The following SCGB2B2 variants were observed in gnomAD, a reference collection of about 807,000 sequenced individuals.
The protein encoded by SCGB2B2 is secretoglobin-like protein.
A neutral mutation model predicts 7.6 loss-of-function variants in SCGB2B2; 11 were observed. The ratio of observed to expected loss-of-function variants is 1.45; its 90% confidence interval spans 0.91 to 2.40. The LOEUF (loss-of-function observed/expected upper bound fraction) is 2.40. Among genes scored for constraint, SCGB2B2 ranks in the 30% most tolerant of loss-of-function variants. The pLI is 0.00. For synonymous variants in SCGB2B2, 50 were observed against 48.6 expected (o/e 1.03, Z -0.12); for missense variants, 104 against 115.4 (o/e 0.90, Z 0.45).
intron 1 of SCGB2B2, among the ~76,000 whole-genome samples, chr19:34,636,162 G>C (rs958217789): frequency 7.9e-5 from 12 of 152,228 alleles, no homozygotes; most frequent in Non-Finnish European, 1.6e-4. Context: ...TATACATACA[G>C]CCTGGTGGGA....
chr19:34,647,039 C>T (rs971357857), intron 1 of SCGB2B2, among the ~76,000 whole-genome samples: 22 of 152,172 alleles, frequency 1.4e-4, no homozygotes, highest in Admixed American at 3.9e-4. Flanking sequence ...CCCCCCAGGA[C>T]TCCAGATGCT....
At chr19:34,596,976 A>G (rs1277354665) in intron 1 of SCGB2B2, among the ~76,000 whole-genome samples, 1 of 151,674 alleles carries the variant, frequency 6.6e-6, no homozygotes, top group African/African-American at 2.4e-5. Context: ...CTCTGAGGGT[A>G]GAGAGGGCCA....
chr19:34,616,146 C>G (rs1250850945), intron 1 of SCGB2B2, among the ~76,000 whole-genome samples: 2 of 149,386 alleles, frequency 1.3e-5, no homozygotes, highest in East Asian at 3.9e-4. Context: ...CTGCAATAAA[C>G]ATACGTGTGC....
intron 1 of SCGB2B2, among the ~76,000 whole-genome samples, chr19:34,645,135 T>C (rs891423255): frequency 6.6e-6 from 1 of 151,990 alleles, no homozygotes; most frequent in Non-Finnish European, 1.5e-5. Flanking sequence ...AGAAATATCT[T>C]CGTGAAGGGA....
intron 1 of SCGB2B2, among the ~76,000 whole-genome samples, chr19:34,622,764 G>A (rs1020504586): frequency 3.9e-5 from 6 of 152,142 alleles, no homozygotes; most frequent in Admixed American, 3.3e-4. Flanking sequence ...GACACGGCCT[G>A]TTTTTGCAAC....
intron 1 of SCGB2B2, among the ~76,000 whole-genome samples, chr19:34,650,459 C>T (rs2067135106): frequency 6.6e-6 from 1 of 151,070 alleles, no homozygotes; most frequent in Non-Finnish European, 1.5e-5. Flanking sequence ...TTCCTCATAA[C>T]AGTAGAGGCT....
chr19:34,645,531 CACAGACACAG>C (rs749842546), intron 1 of SCGB2B2: 1,150 of 57,684 alleles, frequency 0.02, 7 homozygotes, highest in Non-Finnish European at 0.023. Flanking sequence ...CACAGACACA[CACAGACACAG>C]ACACACACAC....
intron 1 of SCGB2B2, among the ~76,000 whole-genome samples, chr19:34,662,956 A>C (rs1226624614): frequency 2.7e-5 from 4 of 147,296 alleles, no homozygotes; most frequent in African/African-American, 1.0e-4. Context: ...ACAAACAAAC[A>C]AACAAAAAAA....
At chr19:34,638,659 T>G (rs1372423020) in intron 1 of SCGB2B2, among the ~76,000 whole-genome samples, 3 of 152,220 alleles carry the variant, frequency 2.0e-5, no homozygotes, top group Non-Finnish European at 4.4e-5. Context: ...CTGGAAAGTT[T>G]ATGCCCCTAA....
At chr19:34,624,289 G>A (rs900552756) in intron 1 of SCGB2B2, among the ~76,000 whole-genome samples, 2 of 152,062 alleles carry the variant, frequency 1.3e-5, no homozygotes. Flanking sequence ...GGAGAGGAGG[G>A]TATTCACTCA....
At chr19:34,659,320 T>C (rs982151633) in intron 1 of SCGB2B2, among the ~76,000 whole-genome samples, 1 of 152,066 alleles carries the variant, frequency 6.6e-6, no homozygotes, top group African/African-American at 2.4e-5. Flanking sequence ...AAAGAAAGGG[T>C]ATTCAATTAG....
At chr19:34,636,430 A>C (rs1182588444) in intron 1 of SCGB2B2, among the ~76,000 whole-genome samples, 1 of 152,174 alleles carries the variant, frequency 6.6e-6, no homozygotes, top group Non-Finnish European at 1.5e-5. Context: ...ACTTCTCTGC[A>C]ATGGCTTTTA....
At chr19:34,626,845 G>A (rs557610880) in intron 1 of SCGB2B2, among the ~76,000 whole-genome samples, 3 of 152,286 alleles carry the variant, frequency 2.0e-5, no homozygotes, top group Non-Finnish European at 1.5e-5. Context: ...AAAATGTTAA[G>A]GGTAGCCAGA....
At chr19:34,658,326 A>T (rs995666000) in intron 1 of SCGB2B2, among the ~76,000 whole-genome samples, 3 of 152,212 alleles carry the variant, frequency 2.0e-5, no homozygotes, top group Admixed American at 2.0e-4. Flanking sequence ...TTTTTTGACA[A>T]GATCAACAAA....
chr19:34,593,725 G>A (rs1477742138), intron 3 of SCGB2B2, 126 bp from the exon 4 acceptor site: 2 of 719,794 alleles, frequency 2.8e-6, no homozygotes, highest in African/African-American at 1.8e-5. Flanking sequence ...GGGGATCCCA[G>A]GCTCTGGACA....
In SCGB2B2 at chr19:34,662,685, T is replaced by C. The variant is rs533476960; in HGVS notation, c.-2032+12945A>G. Among the ~76,000 whole-genome samples the C allele has an allele frequency of 1.9e-3, 289 of 152,146 alleles. 1 individual carries two copies. The highest frequency in any genetic ancestry group is 3.4e-3 in the Middle Eastern group (1 of 294). ...AACAAGGGCTCTTATCAAGAAAATA[T>C]AAAGAACTCCTTTAGCACATTGGGA... On this transcript the variant is annotated intron_variant, in intron 1 of 3. Transcript: ENST00000601241.
chr19:34,656,420 T>C (rs890306824), intron 1 of SCGB2B2, among the ~76,000 whole-genome samples: 1 of 151,280 alleles, frequency 6.6e-6, no homozygotes, highest in South Asian at 2.1e-4. Flanking sequence ...TTGGGCAATA[T>C]GGCAAAATGT....
intron 1 of SCGB2B2, among the ~76,000 whole-genome samples, chr19:34,649,057 C>T (rs1404791817): frequency 6.6e-6 from 1 of 152,138 alleles, no homozygotes; most frequent in East Asian, 1.9e-4. Context: ...CATGTGCCAC[C>T]ACACCCAGCT....
chr19:34,597,820 C>T (rs1002876694), intron 1 of SCGB2B2, among the ~76,000 whole-genome samples: 2 of 152,206 alleles, frequency 1.3e-5, no homozygotes, highest in African/African-American at 4.8e-5. Flanking sequence ...GCTGCAGCCT[C>T]GAGGCCTGCA....
Sources: allele counts gnomAD v4.1 joint callset (sites outside exome capture counted in the v4.1 genomes callset), GRCh38; gene constraint gnomAD v4.1.1; transcripts MANE v1.5; gene names NCBI Gene and HGNC (gene_info 2026-07-23, HGNC 2026-07-21).